FAM178B: variants seen among roughly 807,000 people sequenced by gnomAD.
FAM178B encodes protein FAM178B.
A neutral mutation model predicts 91.7 loss-of-function variants in FAM178B; 82 were observed. That is an observed-to-expected ratio of 0.89 (90% CI 0.75 to 1.07). The LOEUF is 1.07. FAM178B is among the 50% of genes least tolerant of loss of function. FAM178B has a pLI of 0.00. For synonymous variants in FAM178B, 368 were observed against 359.4 expected, an observed-to-expected ratio of 1.02 and a Z score of -0.27; for missense variants, 769 against 846.7, an observed-to-expected ratio of 0.91 and a Z score of 1.14.
intron 12 of FAM178B, among the ~76,000 whole-genome samples, chr2:96,907,316 A>AG (rs2081075148): frequency 1.3e-5 from 2 of 152,122 alleles, no homozygotes; most frequent in Admixed American, 1.3e-4. Context: ...TGGAGAAGAA[A>AG]AAGAAAAGCC....
chr2:96,925,853 A>C (rs1411663592), intron 9 of FAM178B, among the ~76,000 whole-genome samples: 12 of 152,258 alleles, frequency 7.9e-5, no homozygotes, highest in African/African-American at 2.9e-4. Context: ...ACATTCTCAG[A>C]GGGAAGATGG....
chr2:96,876,409 A>G, intron 16 of FAM178B, 101 bp from the exon 17 acceptor site: 1 of 1,448,680 alleles, frequency 6.9e-7, no homozygotes. Context: ...CACCCATCGC[A>G]GGCTCATGCC....
chr2:96,878,103 G>A (rs944754657), intron 15 of FAM178B, 61 bp from the exon 16 acceptor site: 28 of 1,567,958 alleles, frequency 1.8e-5, no homozygotes, highest in Admixed American at 1.2e-4. Context: ...ATCCAAAGCC[G>A]GGCAGGAGGA....
At chr2:96,972,704 GC>G in intron 1 of FAM178B, 98 bp from the exon 2 acceptor site, 3 of 1,134,660 alleles carry the variant, frequency 2.6e-6, no homozygotes, top group Non-Finnish European at 3.8e-6. Context: ...GGCCCACTGT[GC>G]CCAAGAGGGT....
At chr2:96,938,558 T>C (rs2081670467) in intron 8 of FAM178B, among the ~76,000 whole-genome samples, 1 of 152,172 alleles carries the variant, frequency 6.6e-6, no homozygotes, top group South Asian at 2.1e-4. Flanking sequence ...AGAGCAGCTA[T>C]CTGGAAAAGA....
intron 9 of FAM178B, among the ~76,000 whole-genome samples, chr2:96,928,733 G>A (rs1054270532): frequency 6.6e-6 from 1 of 152,164 alleles, no homozygotes; most frequent in Non-Finnish European, 1.5e-5. Context: ...ATCTCCCTGA[G>A]GCTGGGAGCA....
intron 6 of FAM178B, chr2:96,952,012 C>T (rs2081935875): frequency 6.4e-6 from 1 of 155,714 alleles, no homozygotes; most frequent in Non-Finnish European, 1.4e-5. Flanking sequence ...CAGGGCAACA[C>T]TCCGTCTCAA....
intron 12 of FAM178B, among the ~76,000 whole-genome samples, chr2:96,916,847 G>A (rs888044690): frequency 6.6e-6 from 1 of 152,230 alleles, no homozygotes; most frequent in Admixed American, 6.5e-5. Flanking sequence ...CAGACAAAGA[G>A]TGTGACAGCC....
chr2:96,876,427 G>A lies in FAM178B; in HGVS notation c.2008-119C>T, dbSNP rs955224130. ...CCATCGCAGGCTCATGCCAGGGGCC[G>A]AGTGAGCAGGATGCCTGGGTTCACA... On this transcript the variant is annotated intron_variant, in intron 16 of 16. Transcript: ENST00000490605. 2.5e-5 allele frequency: 31 copies of A among 1,255,162 alleles called. No homozygotes were observed. The South Asian group carries it at 2.5e-4, about 10-fold the overall frequency. The allele number at this position is 1,255,162 out of a possible 1,614,324, so 77.8% of individuals were successfully genotyped here.
intron 1 of FAM178B, among the ~76,000 whole-genome samples, chr2:96,982,930 G>C (rs1310439465): frequency 6.6e-6 from 1 of 151,142 alleles, no homozygotes; most frequent in East Asian, 1.9e-4. Context: ...ATAGACTGGA[G>C]TGTACTGTCA....
At chr2:96,948,673 TCTC>T in intron 7 of FAM178B, among the ~76,000 whole-genome samples, 1 of 152,296 alleles carries the variant, frequency 6.6e-6, no homozygotes, top group Middle Eastern at 3.4e-3. Flanking sequence ...TGTGGGCACA[TCTC>T]CTTTCAGGAC....
Position 96,960,443 on chromosome 2 carries a change from G to A in FAM178B, c.735-3C>T, listed in dbSNP as rs1379247791. 1.3e-6 allele frequency: 2 copies of A among 1,537,456 alleles called. No individual in the cohort carries two copies. The highest frequency in any genetic ancestry group is 4.0e-5 in the Admixed American group (2 of 50,322). On this transcript the variant is annotated splice_region_variant and splice_polypyrimidine_tract_variant and intron_variant, in intron 5 of 16. Transcript: ENST00000490605. Reference sequence around the variant, plus strand: ...CTGAGTACTTTTCCACCAGCATCCTGGCAAGGCAAGGGGCAGGAGGGCCGG... The same window carrying A: ...CTGAGTACTTTTCCACCAGCATCCTAGCAAGGCAAGGGGCAGGAGGGCCGG...
chr2:96,968,008 C>T (rs571443025), intron 4 of FAM178B, among the ~76,000 whole-genome samples: 2 of 143,378 alleles, frequency 1.4e-5, no homozygotes, highest in South Asian at 2.2e-4. Context: ...CAAAGTGTAT[C>T]GCAGCCTCAA....
intron 13 of FAM178B, 117 bp from the exon 14 acceptor site, chr2:96,894,168 T>C (rs1399611595): frequency 7.5e-6 from 9 of 1,202,562 alleles, no homozygotes; most frequent in Non-Finnish European, 3.5e-6. Context: ...CACTGGCTTC[T>C]GAGACACAGA....
At chr2:96,903,003 G>A (rs1053322737) in intron 12 of FAM178B, among the ~76,000 whole-genome samples, 1 of 152,194 alleles carries the variant, frequency 6.6e-6, no homozygotes, top group Non-Finnish European at 1.5e-5. Context: ...CATATCCATG[G>A]ATCCATAGAG....
intron 14 of FAM178B, among the ~76,000 whole-genome samples, chr2:96,881,270 CA>C (rs1168855038): frequency 0.17 from 10,796 of 64,374 alleles, 331 homozygotes; most frequent in Middle Eastern, 0.28. Flanking sequence ...AAGCTGGTCT[CA>C]AAAAAAAAAA....
At chr2:96,914,967 A>G (rs1313392915) in intron 12 of FAM178B, among the ~76,000 whole-genome samples, 1 of 149,514 alleles carries the variant, frequency 6.7e-6, no homozygotes, top group Non-Finnish European at 1.5e-5. Flanking sequence ...CTGATTCACA[A>G]TGATGTGGGG....
At chr2:96,908,971 C>T (rs1231933461) in intron 12 of FAM178B, among the ~76,000 whole-genome samples, 1 of 151,640 alleles carries the variant, frequency 6.6e-6, no homozygotes, top group African/African-American at 2.4e-5. Context: ...GGTGAAACCC[C>T]GTCTCTACTA....
At chr2:96,955,752 C>T (rs910374167) in intron 6 of FAM178B, among the ~76,000 whole-genome samples, 7 of 152,172 alleles carry the variant, frequency 4.6e-5, no homozygotes, top group African/African-American at 1.4e-4. Context: ...GCCCTGCTTG[C>T]TACCTCCGCT....
Sources: gnomAD v4.1 joint callset for allele counts (sites outside exome capture counted in the v4.1 genomes callset) on GRCh38, gnomAD v4.1.1 for gene constraint, MANE v1.5 for transcripts, NCBI Gene and HGNC (gene_info 2026-07-23, HGNC 2026-07-21) for gene names.